PTPRN2: variants seen among roughly 807,000 people sequenced by gnomAD.
The protein encoded by PTPRN2 is receptor-type tyrosine-protein phosphatase N2.
A neutral mutation model predicts 118.8 loss-of-function variants in PTPRN2; 74 were observed. That is an observed-to-expected ratio of 0.62 (90% CI 0.52 to 0.76). The LOEUF (loss-of-function observed/expected upper bound fraction) is 0.76, where lower values mean the gene tolerates loss of function less well. PTPRN2 is among the 30% of genes least tolerant of loss of function. PTPRN2 has a pLI of 0.00. For synonymous variants in PTPRN2, 641 were observed against 608.0 expected, an observed-to-expected ratio of 1.05 and a Z score of -0.80; for missense variants, 1,481 against 1,394.4, an observed-to-expected ratio of 1.06 and a Z score of -0.99.
At chr7:157,901,015 G>A (rs1797405117) in intron 11 of PTPRN2, among the ~76,000 whole-genome samples, 1 of 152,234 alleles carries the variant, frequency 6.6e-6, no homozygotes, top group South Asian at 2.1e-4. Context: ...CATGGCACAG[G>A]TGTCTGCATC....
At chr7:158,564,578 G>A (rs947711398) in intron 1 of PTPRN2, among the ~76,000 whole-genome samples, 23 of 152,354 alleles carry the variant, frequency 1.5e-4, no homozygotes, top group Admixed American at 2.0e-4. Flanking sequence ...GGAGACGGGT[G>A]CATGCCAGGC....
rs988117862 is a variant in PTPRN2, at chr7:158,555,824, G to A, written c.112+31734C>T. ...AGACAGGCTCCAGCAAGCTCAGGATGATGAAGACACATCCTATCTTCGAGG... is the reference window on the plus strand; with the variant it reads ...AGACAGGCTCCAGCAAGCTCAGGATAATGAAGACACATCCTATCTTCGAGG... On this transcript the variant is annotated intron_variant, in intron 1 of 22. Coordinates refer to ENST00000389418, the MANE Select transcript of PTPRN2 (RefSeq NM_002847.5). This position sits in a 1 kb window ranked among gnomAD's most constrained non-coding sequence, Gnocchi z 4.7. Among the ~76,000 whole-genome samples the A allele has an allele frequency of 2.0e-5, 3 of 151,978 alleles. No individual in the cohort carries two copies. The highest frequency in any genetic ancestry group is 2.9e-5 in the Non-Finnish European group (2 of 68,016).
At chr7:158,103,291 CGTGGAAAGGAAT>C (rs772682780) in intron 10 of PTPRN2, among the ~76,000 whole-genome samples, 112 of 152,156 alleles carry the variant, frequency 7.4e-4, no homozygotes, top group Non-Finnish European at 5.6e-4. Flanking sequence ...TGGAATCCTT[CGTGGAAAGGAAT>C]GCAGTTTGAA....
intron 19 of PTPRN2, 42 bp from the exon 20 acceptor site, chr7:157,571,535 G>C: frequency 6.9e-7 from 1 of 1,459,106 alleles, no homozygotes; most frequent in Non-Finnish European, 9.5e-7. Flanking sequence ...TGTGTACTAA[G>C]ACTTTGCGTT....
intron 12 of PTPRN2, among the ~76,000 whole-genome samples, chr7:157,741,481 C>T (rs1800629441): frequency 6.6e-6 from 1 of 152,182 alleles, no homozygotes; most frequent in African/African-American, 2.4e-5. Context: ...TAACGCTGTT[C>T]ATCTTGTCTA....
At chr7:158,254,743 C>T (rs1585999065) in intron 3 of PTPRN2, among the ~76,000 whole-genome samples, 1 of 152,224 alleles carries the variant, frequency 6.6e-6, no homozygotes, top group South Asian at 2.1e-4. Context: ...TACAGCCCTC[C>T]CTCTCTGCGT....
intron 8 of PTPRN2, among the ~76,000 whole-genome samples, chr7:158,134,502 C>T (rs1585562351): frequency 6.6e-6 from 1 of 152,244 alleles, no homozygotes; most frequent in East Asian, 1.9e-4. Flanking sequence ...CACACAAAGG[C>T]ACTGTACTAA....
chr7:158,424,638 G>A (rs998470814), intron 2 of PTPRN2, among the ~76,000 whole-genome samples: 1 of 152,270 alleles, frequency 6.6e-6, no homozygotes, highest in African/African-American at 2.4e-5. Flanking sequence ...ACCGGGGACT[G>A]AGACGCCCGC....
intron 11 of PTPRN2, among the ~76,000 whole-genome samples, chr7:158,038,351 G>C (rs1421433788): frequency 6.6e-6 from 1 of 152,106 alleles, no homozygotes; most frequent in Non-Finnish European, 1.5e-5. Context: ...CCCTATCTAA[G>C]TAGAAAAAGA....
chr7:158,384,361 C>A (rs1045956539), intron 2 of PTPRN2, among the ~76,000 whole-genome samples: 4 of 152,172 alleles, frequency 2.6e-5, no homozygotes, highest in African/African-American at 9.7e-5. Context: ...GATGTGGGGA[C>A]CGCGGGCTGT....
At chr7:157,551,230 T>C (rs1343954043) in intron 21 of PTPRN2, among the ~76,000 whole-genome samples, 7 of 152,120 alleles carry the variant, frequency 4.6e-5, no homozygotes, top group Non-Finnish European at 1.0e-4. Flanking sequence ...AACTCAGAAA[T>C]GCCCATATTG....
intron 2 of PTPRN2, among the ~76,000 whole-genome samples, chr7:158,330,038 C>A (rs1586289816): frequency 6.8e-6 from 1 of 146,602 alleles, no homozygotes; most frequent in Admixed American, 6.8e-5. Flanking sequence ...GAGGTGACAT[C>A]TGCAGACGTC....
rs1805324307 is a variant in PTPRN2, at chr7:157,801,801, A to G, written c.1788+96872T>C. Among the ~76,000 whole-genome samples, 1 of 152,176 alleles carries G rather than the reference A, an allele frequency of 6.6e-6. No homozygotes were observed. The highest frequency in any genetic ancestry group is 1.5e-5 in the Non-Finnish European group (1 of 68,040). On this transcript the variant is annotated intron_variant, in intron 12 of 22. Transcript: ENST00000389418. The surrounding 1 kb of genome is among the most constrained non-coding windows in gnomAD (Gnocchi z 4.2). ...GGAAGAACAGAACGGCCGCACAGAA[A>G]GTGCTTGGTCCTTGGCTTCCTGTGT...
chr7:158,118,017 T>C (rs1816867689), intron 9 of PTPRN2, among the ~76,000 whole-genome samples: 1 of 152,326 alleles, frequency 6.6e-6, no homozygotes, highest in Non-Finnish European at 1.5e-5. Context: ...TATGGTGAAT[T>C]ATAAAATATA....
At chr7:157,741,556 GCT>G (rs1261234249) in intron 12 of PTPRN2, among the ~76,000 whole-genome samples, 2 of 152,184 alleles carry the variant, frequency 1.3e-5, no homozygotes, top group Non-Finnish European at 2.9e-5. Flanking sequence ...CCCCGGAGAC[GCT>G]CTCTTCCTCA....
At chr7:158,175,247 A>G (rs6947028) in intron 5 of PTPRN2, among the ~76,000 whole-genome samples, 136,683 of 152,236 alleles carry the variant, frequency 0.9, 61,563 homozygotes, top group African/African-American at 0.97. Context: ...GCTTGCTGCC[A>G]GCCTGACAAA....
At chr7:157,890,686 T>C (rs1395810667) in intron 12 of PTPRN2, among the ~76,000 whole-genome samples, 7 of 152,162 alleles carry the variant, frequency 4.6e-5, no homozygotes, top group Admixed American at 4.6e-4. Context: ...TAGGATGTGA[T>C]TGGAACATCT....
chr7:158,491,472 G>C (rs561460622), intron 1 of PTPRN2, among the ~76,000 whole-genome samples: 60 of 152,212 alleles, frequency 3.9e-4, no homozygotes, highest in Admixed American at 3.5e-3. Flanking sequence ...GTTTTGTTTT[G>C]AAATAACAAT....
intron 10 of PTPRN2, among the ~76,000 whole-genome samples, chr7:158,099,719 CCA>C (rs1477847899): frequency 1.5e-4 from 1 of 6,800 alleles, no homozygotes; most frequent in Non-Finnish European, 2.7e-4. Context: ...CTTCCTCCCC[CCA>C]CATCACCGGC....
Sources: gnomAD v4.1 joint callset for allele counts (sites outside exome capture counted in the v4.1 genomes callset) on GRCh38, gnomAD v4.1.1 for gene constraint, Gnocchi (gnomAD v3.1) non-coding constraint, MANE v1.5 for transcripts, NCBI Gene and HGNC (gene_info 2026-07-23, HGNC 2026-07-21) for gene names.